Variants in MAN1A2 observed in about 807,000 individuals in gnomAD.
MAN1A2 encodes mannosidase alpha class 1A member 2, also known as mannosyl-oligosaccharide 1,2-alpha-mannosidase IB.
Under a neutral mutation model 75.7 loss-of-function variants are expected in MAN1A2, and 26 were observed. That is an observed-to-expected ratio of 0.34 (90% CI 0.25 to 0.48). MAN1A2 has a LOEUF of 0.48. Among genes scored for constraint, MAN1A2 ranks in the 20% least tolerant of loss-of-function variants. The pLI, the probability that MAN1A2 is intolerant of heterozygous loss-of-function variation, is 0.99. For missense variants in MAN1A2, 562 were observed against 775.5 expected (o/e 0.72, Z 3.27); for synonymous variants, 247 against 264.6 (o/e 0.93, Z 0.65).
chr1:117,393,795 C>A (rs1305895520), intron 1 of MAN1A2, among the ~76,000 whole-genome samples: 2 of 152,030 alleles, frequency 1.3e-5, no homozygotes, highest in Non-Finnish European at 2.9e-5. Flanking sequence ...ATTCTTAGAC[C>A]TTATTCGGAA....
chr1:117,496,614 C>A (rs1457042008), intron 9 of MAN1A2, 149 bp from the exon 10 acceptor site: 3 of 600,924 alleles, frequency 5.0e-6, no homozygotes, highest in Admixed American at 6.2e-5. Context: ...CCCACTCCGA[C>A]ACTTGCTGTT....
chr1:117,463,378 G>A (rs1322852433), intron 7 of MAN1A2, among the ~76,000 whole-genome samples: 2 of 151,924 alleles, frequency 1.3e-5, no homozygotes, highest in African/African-American at 4.8e-5. Context: ...TGCCCAGGGC[G>A]TCAAATATGT....
chr1:117,469,371 G>A (rs1046020343), intron 8 of MAN1A2, among the ~76,000 whole-genome samples: 2 of 151,998 alleles, frequency 1.3e-5, no homozygotes, highest in Non-Finnish European at 2.9e-5. Flanking sequence ...AGAAAACATA[G>A]GGGAAAATCT....
intron 6 of MAN1A2, among the ~76,000 whole-genome samples, chr1:117,449,807 C>T (rs552164290): frequency 6.6e-6 from 1 of 152,334 alleles, no homozygotes; most frequent in East Asian, 1.9e-4. Context: ...CCAGCTACAA[C>T]ATTCTCTTAA....
intron 6 of MAN1A2, among the ~76,000 whole-genome samples, chr1:117,460,144 AAGG>A (rs1649770331): frequency 6.6e-6 from 1 of 152,138 alleles, no homozygotes; most frequent in African/African-American, 2.4e-5. Context: ...TTGTTTAAGA[AAGG>A]AGGACAATGA....
intron 1 of MAN1A2, among the ~76,000 whole-genome samples, chr1:117,391,057 CTG>C (rs973454347): frequency 6.6e-6 from 1 of 151,996 alleles, no homozygotes; most frequent in Admixed American, 6.6e-5. Context: ...CTTCTTGGAC[CTG>C]TGATTATTGA....
rs578227079 is a variant in MAN1A2, at chr1:117,509,022, T to C, written c.1793+6052T>C. 2.6e-5 allele frequency among the ~76,000 whole-genome samples: 4 copies of C among 151,016 alleles called. No homozygotes were observed. The East Asian group carries it at 7.8e-4, about 30-fold the overall frequency. ...AAAAAGAAATAAAATCATGAAACAA[T>C]TGGAAAGTTTTTTTCAACCCTAGGG... is the stretch of plus-strand genomic sequence containing the variant. On this transcript the variant is annotated intron_variant, in intron 12 of 12. Transcript: ENST00000356554.
chr1:117,496,657 T>G (rs1651043859), intron 9 of MAN1A2, 106 bp from the exon 10 acceptor site: 4 of 785,834 alleles, frequency 5.1e-6, no homozygotes, highest in Admixed American at 5.0e-5. Flanking sequence ...GTTACTACTT[T>G]ATAGACTATC....
intron 1 of MAN1A2, among the ~76,000 whole-genome samples, chr1:117,388,875 A>G (rs1220211492): frequency 6.6e-6 from 1 of 152,202 alleles, no homozygotes; most frequent in African/African-American, 2.4e-5. Flanking sequence ...TAATATTTAC[A>G]ATAAATTATT....
At chr1:117,377,221 A>G (rs1653178577) in intron 1 of MAN1A2, among the ~76,000 whole-genome samples, 1 of 152,236 alleles carries the variant, frequency 6.6e-6, no homozygotes, top group Admixed American at 6.5e-5. Context: ...TGTTAAATAT[A>G]ATAAATGAGG....
intron 8 of MAN1A2, among the ~76,000 whole-genome samples, chr1:117,479,388 A>G (rs765449485): frequency 6.6e-6 from 1 of 151,944 alleles, no homozygotes. Flanking sequence ...ACTATTGTGA[A>G]TAGTGCTGCA....
At chr1:117,392,464 T>G (rs1027469652) in intron 1 of MAN1A2, among the ~76,000 whole-genome samples, 1 of 152,174 alleles carries the variant, frequency 6.6e-6, no homozygotes, top group African/African-American at 2.4e-5. Context: ...ATCTTACCTT[T>G]TCTATAGCTG....
At chr1:117,466,689 T>C (rs1570767137) in intron 8 of MAN1A2, among the ~76,000 whole-genome samples, 2 of 152,162 alleles carry the variant, frequency 1.3e-5, no homozygotes, top group African/African-American at 4.8e-5. Flanking sequence ...GTTTGAAGGT[T>C]GTACTTAAAA....
chr1:117,470,546 C>A (rs1054355120), intron 8 of MAN1A2, among the ~76,000 whole-genome samples: 2 of 151,942 alleles, frequency 1.3e-5, no homozygotes, highest in African/African-American at 4.8e-5. Context: ...TTTTTCCTCA[C>A]AAAATAAATT....
At chr1:117,490,202 G>A (rs1203455607) in intron 8 of MAN1A2, among the ~76,000 whole-genome samples, 1 of 152,052 alleles carries the variant, frequency 6.6e-6, no homozygotes, top group Admixed American at 6.6e-5. Context: ...TTTGGTGTGT[G>A]TGTGTGTGTT....
At chr1:117,393,545 T>C (rs1415533066) in intron 1 of MAN1A2, among the ~76,000 whole-genome samples, 4 of 152,086 alleles carry the variant, frequency 2.6e-5, no homozygotes, top group South Asian at 2.1e-4. Context: ...TATTAAAATA[T>C]AGGATGTTTG....
chr1:117,477,177 A>T (rs1020701111), intron 8 of MAN1A2, among the ~76,000 whole-genome samples: 1 of 151,962 alleles, frequency 6.6e-6, no homozygotes, highest in Non-Finnish European at 1.5e-5. Flanking sequence ...GACCAGACAG[A>T]TGCACAGCCA....
At chr1:117,376,271 C>T (rs1186142535) in intron 1 of MAN1A2, among the ~76,000 whole-genome samples, 1 of 151,422 alleles carries the variant, frequency 6.6e-6, no homozygotes, top group Non-Finnish European at 1.5e-5. Context: ...ATGGATGCTG[C>T]GGTCAAGAAT....
intron 5 of MAN1A2, among the ~76,000 whole-genome samples, chr1:117,429,695 G>C (rs1263826582): frequency 9.3e-6 from 1 of 107,412 alleles, no homozygotes; most frequent in Non-Finnish European, 2.0e-5. Context: ...GGGGTGGCTG[G>C]CCGGGCAGGG....
Sources: allele counts gnomAD v4.1 joint callset (sites outside exome capture counted in the v4.1 genomes callset), GRCh38; gene constraint gnomAD v4.1.1; transcripts MANE v1.5; gene names NCBI Gene and HGNC (gene_info 2026-07-23, HGNC 2026-07-21).